WDR41: variants seen among roughly 807,000 people sequenced by gnomAD.
The protein encoded by WDR41 is WD repeat-containing protein 41.
Under a neutral mutation model 69.3 loss-of-function variants are expected in WDR41, and 63 were observed. The ratio of observed to expected loss-of-function variants is 0.91; its 90% CI spans 0.74 to 1.12. The LOEUF (loss-of-function observed/expected upper bound fraction) is 1.12, where lower values mean the gene tolerates loss of function less well. Ranked by LOEUF, WDR41 falls within the 50% of genes most tolerant of loss-of-function variation. The pLI is 0.00. For missense variants in WDR41, 543 were observed against 534.5 expected (o/e 1.02, Z -0.16); for synonymous variants, 185 against 192.1 (o/e 0.96, Z 0.31).
chr5:77,479,385 G>A (rs1271661265), intron 2 of WDR41, among the ~76,000 whole-genome samples: 390 of 152,030 alleles, frequency 2.6e-3, no homozygotes, highest in Non-Finnish European at 4.0e-3. Context: ...AGCCAAAAGA[G>A]CAAAGCTGGA....
intron 1 of WDR41, among the ~76,000 whole-genome samples, chr5:77,512,331 TGAGAGA>T (rs764631325): frequency 2.3e-5 from 2 of 87,930 alleles, no homozygotes; most frequent in Non-Finnish European, 4.4e-5. Flanking sequence ...ATGGGGTGAG[TGAGAGA>T]GAGAGAGAGA....
intron 8 of WDR41, among the ~76,000 whole-genome samples, chr5:77,445,732 T>C (rs1181237785): frequency 6.6e-6 from 1 of 152,222 alleles, no homozygotes; most frequent in Non-Finnish European, 1.5e-5. Context: ...CATCCTTTCA[T>C]ATTAAAAATT....
intron 1 of WDR41, among the ~76,000 whole-genome samples, chr5:77,501,548 C>T (rs1268743154): frequency 3.3e-5 from 5 of 152,216 alleles, no homozygotes; most frequent in South Asian, 2.1e-4. Context: ...AGCGTTTGAG[C>T]TCTGAGAACA....
intron 1 of WDR41, among the ~76,000 whole-genome samples, chr5:77,612,007 C>A (rs1407018942): frequency 2.0e-5 from 3 of 152,020 alleles, no homozygotes; most frequent in Non-Finnish European, 4.4e-5. Context: ...GAGAATACTA[C>A]AAACACCTCT....
intron 1 of WDR41, among the ~76,000 whole-genome samples, chr5:77,508,777 C>T (rs1335223426): frequency 6.6e-6 from 1 of 150,450 alleles, no homozygotes; most frequent in Non-Finnish European, 1.5e-5. Context: ...CTTTGCTAAA[C>T]TATTTTAGTG....
chr5:77,567,200 T>C (rs1396410029), intron 1 of WDR41, among the ~76,000 whole-genome samples: 1 of 152,184 alleles, frequency 6.6e-6, no homozygotes, highest in African/African-American at 2.4e-5. Flanking sequence ...GCATGAATAA[T>C]TGAAATCCAC....
In WDR41 at chr5:77,431,553, G is replaced by C. The variant is rs1048986021; in HGVS notation, c.*1582C>G. On this transcript the variant is annotated 3_prime_UTR_variant, in exon 13 of 13. Coordinates refer to ENST00000296679, the MANE Select transcript of WDR41 (RefSeq NM_018268.4). ...TATCTCTGAGGTACGCCTGTATAATGACCAGAAGGAATTTGCTGTGGTACT... is the reference window on the plus strand; with the variant it reads ...TATCTCTGAGGTACGCCTGTATAATCACCAGAAGGAATTTGCTGTGGTACT... The C allele has an allele frequency of 3.7e-4, 56 of 152,244 alleles. No individual in the cohort carries two copies. The highest frequency in any genetic ancestry group is 1.3e-3 in the African/African-American group (54 of 41,550). The allele number at this position is 152,244 out of a possible 1,614,324, so 9.4% of individuals were successfully genotyped here.
chr5:77,468,918 T>TA (rs11402454), intron 2 of WDR41, among the ~76,000 whole-genome samples: 113,508 of 151,974 alleles, frequency 0.75, 43,065 homozygotes, highest in African/African-American at 0.88. Flanking sequence ...AAGTCTCTTT[T>TA]TTCTATGGTT....
intron 8 of WDR41, among the ~76,000 whole-genome samples, chr5:77,441,428 A>C (rs918226012): frequency 5.9e-5 from 9 of 152,074 alleles, no homozygotes; most frequent in Admixed American, 5.2e-4. Flanking sequence ...GTGCCAGGGG[A>C]AGAGATCCTA....
chr5:77,478,218 G>C (rs529660646), intron 2 of WDR41, among the ~76,000 whole-genome samples: 1 of 152,248 alleles, frequency 6.6e-6, no homozygotes, highest in East Asian at 1.9e-4. Flanking sequence ...AGGACCAGAT[G>C]GATTCACAGC....
rs141693268 is a variant in WDR41, at chr5:77,557,239, T to C, written c.42+63240A>G. Reference sequence around the variant, plus strand: ...AAGTGATAAATTTAACTCTAGTATATTAAAGTTAAAAACTTCTGTTTAAAA... The same window carrying C: ...AAGTGATAAATTTAACTCTAGTATACTAAAGTTAAAAACTTCTGTTTAAAA... On this transcript the variant is annotated intron_variant, in intron 1 of 5. Coordinates refer to the WDR41 transcript ENST00000509971. 7.3e-3 allele frequency among the ~76,000 whole-genome samples: 1,118 copies of C among 152,232 alleles called. 11 individuals are homozygous for C. Among genetic ancestry groups the C allele is most frequent in the Middle Eastern group, 0.031 (9 of 294 alleles).
intron 9 of WDR41, among the ~76,000 whole-genome samples, chr5:77,439,666 C>T (rs531914771): frequency 4.6e-5 from 7 of 152,156 alleles, no homozygotes; most frequent in East Asian, 3.9e-4. Context: ...CAATAACTAA[C>T]GGTCCCTTAT....
chr5:77,545,704 G>GGTTT lies in WDR41; in HGVS notation c.43-56133_43-56132insAAAC, dbSNP rs1743181041. ...GGATGAGGTTTTAAAGGTTACGCCA[G>GGTTT]TGCAGAAGCAGACCCACGCTGGCCA... On this transcript the variant is annotated intron_variant, in intron 1 of 5. Transcript: ENST00000509971. 54 of 505,414 alleles carry GGTTT rather than the reference G, an allele frequency of 1.1e-4. No individual in the cohort carries two copies. The Admixed American group carries it at 1.4e-3, about 13-fold the overall frequency. 31.3% of individuals were successfully genotyped at this position (505,414 alleles called of 1,614,324 possible). A position where few individuals can be genotyped will look rare whatever the true frequency, so the allele number is the denominator to read the frequency against.
chr5:77,531,800 CA>C (rs1802532839), intron 1 of WDR41, among the ~76,000 whole-genome samples: 1 of 151,878 alleles, frequency 6.6e-6, no homozygotes, highest in African/African-American at 2.4e-5. Flanking sequence ...ATACATGCAA[CA>C]AGGTGGATGA....
At chr5:77,479,800 T>A (rs372613652) in intron 2 of WDR41, among the ~76,000 whole-genome samples, 1 of 151,978 alleles carries the variant, frequency 6.6e-6, no homozygotes. Context: ...AAGCAATGGC[T>A]ACAAAAGCCA....
chr5:77,568,252 G>A (rs1008208334), intron 1 of WDR41, among the ~76,000 whole-genome samples: 1 of 152,158 alleles, frequency 6.6e-6, no homozygotes, highest in African/African-American at 2.4e-5. Context: ...GATCCAGGCA[G>A]AGCAAACAGC....
At chr5:77,450,334 A>T (rs1214040303) in intron 7 of WDR41, among the ~76,000 whole-genome samples, 1 of 152,220 alleles carries the variant, frequency 6.6e-6, no homozygotes, top group Non-Finnish European at 1.5e-5. Flanking sequence ...TTCTTTTTTA[A>T]AAAGCTTCTG....
chr5:77,517,429 A>T (rs985022329), intron 1 of WDR41, among the ~76,000 whole-genome samples: 14 of 152,088 alleles, frequency 9.2e-5, no homozygotes, highest in African/African-American at 3.4e-4. Context: ...TCACTTGCAA[A>T]CTTCTTATTC....
intron 2 of WDR41, among the ~76,000 whole-genome samples, chr5:77,467,201 T>C (rs911287273): frequency 1.3e-5 from 2 of 151,936 alleles, no homozygotes; most frequent in Non-Finnish European, 2.9e-5. Flanking sequence ...AATGGAAGAA[T>C]AGTAATATTG....
Sources: gnomAD v4.1 joint callset for allele counts (sites outside exome capture counted in the v4.1 genomes callset) on GRCh38, gnomAD v4.1.1 for gene constraint, MANE v1.5 for transcripts, NCBI Gene and HGNC (gene_info 2026-07-23, HGNC 2026-07-21) for gene names.